AGBL4: variants seen among roughly 807,000 people sequenced by gnomAD.
AGBL4 encodes the protein cytosolic carboxypeptidase 6.
In AGBL4, 58 loss-of-function variants were observed where a neutral mutation model predicts 66.4. That is an observed-to-expected ratio of 0.87 (90% CI 0.71 to 1.09). The LOEUF is 1.09. AGBL4 is among the 50% of genes least tolerant of loss of function. The pLI is 0.00. For missense variants in AGBL4, 579 were observed against 631.0 expected (o/e 0.92, Z 0.88); for synonymous variants, 234 against 222.9 (o/e 1.05, Z -0.44).
intron 5 of AGBL4, among the ~76,000 whole-genome samples, chr1:48,881,296 T>C (rs1476362806): frequency 6.6e-6 from 1 of 152,226 alleles, no homozygotes; most frequent in Non-Finnish European, 1.5e-5. Flanking sequence ...CATATGGTAT[T>C]GAACTGTTGT....
intron 9 of AGBL4, among the ~76,000 whole-genome samples, chr1:48,612,451 A>G (rs1242154903): frequency 6.6e-6 from 1 of 152,230 alleles, no homozygotes; most frequent in Admixed American, 6.5e-5. Context: ...TGCTGTCTAC[A>G]TGAATGGTTC....
intron 1 of AGBL4, among the ~76,000 whole-genome samples, chr1:49,940,482 A>C (rs1159635077): frequency 2.6e-5 from 4 of 152,200 alleles, no homozygotes; most frequent in Non-Finnish European, 5.9e-5. Context: ...CTGGATTAAG[A>C]AAATGTGGCA....
At chr1:49,268,515 T>A (rs1643981646) in intron 3 of AGBL4, among the ~76,000 whole-genome samples, 1 of 151,422 alleles carries the variant, frequency 6.6e-6, no homozygotes, top group South Asian at 2.1e-4. Context: ...TCATGCAGCT[T>A]TGAACTCCTG....
At chr1:48,649,680 G>T (rs572048181) in intron 8 of AGBL4, among the ~76,000 whole-genome samples, 51 of 152,086 alleles carry the variant, frequency 3.4e-4, no homozygotes, top group African/African-American at 1.2e-3. Context: ...CCACAGAATA[G>T]GTACTTGTAT....
At chr1:49,449,519 G>C (rs1008868854) in intron 3 of AGBL4, among the ~76,000 whole-genome samples, 2 of 151,964 alleles carry the variant, frequency 1.3e-5, no homozygotes, top group African/African-American at 4.8e-5. Context: ...GGCAGGAAGG[G>C]CCCATACTTT....
chr1:49,653,541 C>G (rs1646052382), intron 3 of AGBL4, among the ~76,000 whole-genome samples: 2 of 151,808 alleles, frequency 1.3e-5, no homozygotes, highest in African/African-American at 2.4e-5. Context: ...GGATTATGTT[C>G]TAACTCATTG....
intron 9 of AGBL4, among the ~76,000 whole-genome samples, chr1:48,604,260 T>C (rs562117041): frequency 6.6e-6 from 1 of 152,308 alleles, no homozygotes; most frequent in South Asian, 2.1e-4. Context: ...GACCTAAGTT[T>C]GGACTGATTC....
At chr1:49,162,333 T>C (rs1029933263) in intron 4 of AGBL4, among the ~76,000 whole-genome samples, 3 of 152,204 alleles carry the variant, frequency 2.0e-5, no homozygotes, top group African/African-American at 4.8e-5. Flanking sequence ...ATGTGCCCTA[T>C]ATTTCTGGAG....
At chr1:49,890,144 CCTAGGGAATAGTT>C (rs1441853322) in intron 1 of AGBL4, among the ~76,000 whole-genome samples, 1 of 152,086 alleles carries the variant, frequency 6.6e-6, no homozygotes, top group East Asian at 1.9e-4. Context: ...ACAGAAAAAT[CCTAGGGAATAGTT>C]CTTAATTCCT....
intron 1 of AGBL4, among the ~76,000 whole-genome samples, chr1:49,948,669 A>G (rs1655788739): frequency 6.7e-6 from 1 of 149,522 alleles, no homozygotes; most frequent in African/African-American, 2.5e-5. Context: ...ACTACAAAAC[A>G]CTGCTGAAAG....
chr1:49,941,405 A>C (rs1317809696), intron 1 of AGBL4, among the ~76,000 whole-genome samples: 1 of 152,144 alleles, frequency 6.6e-6, no homozygotes, highest in African/African-American at 2.4e-5. Context: ...CCTGACACCA[A>C]AGTCAAAGCA....
chr1:49,288,460 A>G (rs1485972949), intron 3 of AGBL4, among the ~76,000 whole-genome samples: 2 of 152,190 alleles, frequency 1.3e-5, no homozygotes, highest in Admixed American at 6.5e-5. Flanking sequence ...TAAGCTTGGC[A>G]AAATAGGGAT....
chr1:49,399,954 C>G (rs1645049454), intron 3 of AGBL4, among the ~76,000 whole-genome samples: 1 of 151,958 alleles, frequency 6.6e-6, no homozygotes, highest in East Asian at 1.9e-4. Flanking sequence ...CCGATTTTTT[C>G]TTGTAGTAGT....
At position 49,075,206 on chromosome 1, in the gene AGBL4, T is replaced by C. The variant is rs1356416954; in HGVS notation, c.378-29406A>G. ...TTGAGGTGACTCACAGAAATGCATA[T>C]AATACAAATGTAAATAAGTAAATAA... On this transcript the variant is annotated intron_variant, in intron 4 of 13. Transcript: ENST00000371839. 3.3e-4 allele frequency among the ~76,000 whole-genome samples: 50 copies of C among 152,152 alleles called. 1 individual carries two copies. The highest frequency in any genetic ancestry group is 3.3e-3 in the Admixed American group (50 of 15,274).
intron 3 of AGBL4, among the ~76,000 whole-genome samples, chr1:49,386,956 CAT>C (rs919668623): frequency 1.3e-4 from 19 of 151,846 alleles, no homozygotes; most frequent in African/African-American, 1.7e-4. Context: ...TAAAATAACA[CAT>C]ATGTGATAGC....
chr1:49,974,032 A>T (rs966384635), intron 1 of AGBL4, among the ~76,000 whole-genome samples: 2 of 152,128 alleles, frequency 1.3e-5, no homozygotes, highest in African/African-American at 4.8e-5. Context: ...ACTTCTGTAT[A>T]TTACTTGCAA....
At position 49,065,176 on chromosome 1, in the gene AGBL4, C is replaced by T. The variant is rs369341001; in HGVS notation, c.378-19376G>A. ...CACTGAAAGATGTCATTTAATATCA[C>T]ACAGCTAGTCAATGGCAGCTAGACA... On this transcript the variant is annotated intron_variant, in intron 4 of 13. Coordinates refer to ENST00000371839, the MANE Select transcript of AGBL4 (RefSeq NM_032785.4). 4.6e-5 allele frequency among the ~76,000 whole-genome samples: 7 copies of T among 152,130 alleles called. No homozygotes were observed. In the East Asian group the frequency reaches 1.3e-3, roughly 29 times the overall value.
At chr1:49,056,116 G>A (rs1644303546) in intron 4 of AGBL4, among the ~76,000 whole-genome samples, 1 of 151,958 alleles carries the variant, frequency 6.6e-6, no homozygotes, top group Non-Finnish European at 1.5e-5. Context: ...TATAAATCAG[G>A]AACCTGAGTT....
intron 5 of AGBL4, among the ~76,000 whole-genome samples, chr1:49,031,465 C>T (rs186969102): frequency 6.6e-6 from 1 of 152,118 alleles, no homozygotes; most frequent in East Asian, 1.9e-4. Context: ...GAAAAGACAA[C>T]CTACAAGATG....
Sources: gnomAD v4.1 joint callset for allele counts (sites outside exome capture counted in the v4.1 genomes callset) on GRCh38, gnomAD v4.1.1 for gene constraint, MANE v1.5 for transcripts, NCBI Gene and HGNC (gene_info 2026-07-23, HGNC 2026-07-21) for gene names.